Variants in PLCL2 observed in about 807,000 individuals in gnomAD.
PLCL2 encodes the protein phospholipase C like 2.
Under a neutral mutation model 79.6 loss-of-function variants are expected in PLCL2, and 4 were observed. That is an observed-to-expected ratio of 0.05 (90% CI 0.02 to 0.11). The LOEUF is 0.11. PLCL2 is among the 10% of genes least tolerant of loss of function. The probability of loss-of-function intolerance (pLI) is 1.00; values close to 1 mark genes in which losing one functional copy is unlikely to be tolerated. For missense variants in PLCL2, 895 were observed against 1,291.0 expected, an observed-to-expected ratio of 0.69 and a Z score of 4.70; for synonymous variants, 484 against 457.7, an observed-to-expected ratio of 1.06 and a Z score of -0.73.
At chr3:16,990,115 G>A (rs6765761) in intron 1 of PLCL2, among the ~76,000 whole-genome samples, 20,568 of 139,374 alleles carry the variant, frequency 0.15, 1,653 homozygotes, top group African/African-American at 0.25. Flanking sequence ...TGAGGATGAC[G>A]ATGACGATGA....
In PLCL2 at chr3:17,009,501, G is replaced by C. The variant is rs7612044; in HGVS notation, c.328-173G>C. On this transcript the variant is annotated intron_variant, in intron 1 of 5. Transcript: ENST00000615277. This position sits in a 1 kb window ranked among gnomAD's most constrained non-coding sequence, Gnocchi z 4.0. Reference sequence around the variant, plus strand: ...ACCTGTTGGTATTAGGCTGTCAACTGCAAGGCCAATTCTGAGCTTTAGAGA... The same window carrying C: ...ACCTGTTGGTATTAGGCTGTCAACTCCAAGGCCAATTCTGAGCTTTAGAGA... Among the ~76,000 whole-genome samples, 91,354 of 151,960 alleles carry C rather than the reference G, an allele frequency of 0.6. 28,081 individuals are homozygous for C. Among genetic ancestry groups the C allele is most frequent in the African/African-American group, 0.73 (30,184 of 41,442 alleles).
intron 1 of PLCL2, among the ~76,000 whole-genome samples, chr3:17,000,421 G>T (rs2064196981): frequency 7.2e-6 from 1 of 139,768 alleles, no homozygotes; most frequent in Non-Finnish European, 1.5e-5. Context: ...CATCAGTCAT[G>T]TCAAACATTT....
At chr3:17,064,903 TG>T (rs1682197113) in intron 4 of PLCL2, among the ~76,000 whole-genome samples, 1 of 135,148 alleles carries the variant, frequency 7.4e-6, no homozygotes, top group African/African-American at 2.9e-5. Context: ...CACCCTCACC[TG>T]GGCAGCAGAG....
chr3:16,891,431 C>G (rs997031897), intron 1 of PLCL2, among the ~76,000 whole-genome samples: 9 of 152,156 alleles, frequency 5.9e-5, no homozygotes, highest in Admixed American at 5.9e-4. Flanking sequence ...CATGGCCATG[C>G]TCGTTTTGAA....
chr3:16,999,516 C>T (rs2064185737), intron 1 of PLCL2, among the ~76,000 whole-genome samples: 1 of 152,110 alleles, frequency 6.6e-6, no homozygotes, highest in African/African-American at 2.4e-5. Flanking sequence ...AATATGAACT[C>T]ATCTTATCAT....
intron 1 of PLCL2, among the ~76,000 whole-genome samples, chr3:16,939,909 A>AT (rs1255077059): frequency 2.0e-5 from 3 of 152,194 alleles, no homozygotes; most frequent in Non-Finnish European, 4.4e-5. Context: ...GGGGGAACAG[A>AT]GGGAAGACCC....
intron 3 of PLCL2, among the ~76,000 whole-genome samples, chr3:17,030,625 A>G (rs931200294): frequency 1.4e-4 from 22 of 152,198 alleles, no homozygotes; most frequent in African/African-American, 4.8e-4. Flanking sequence ...GGTCAACATC[A>G]GGAAGAACGC....
At chr3:17,088,756 C>T (rs1006947288) in intron 5 of PLCL2, among the ~76,000 whole-genome samples, 4 of 152,178 alleles carry the variant, frequency 2.6e-5, no homozygotes, top group African/African-American at 9.7e-5. Context: ...CAGCTCCCCA[C>T]CTCCAAAGAA....
chr3:17,069,471 C>T (rs1365168729), intron 5 of PLCL2, among the ~76,000 whole-genome samples: 1 of 152,080 alleles, frequency 6.6e-6, no homozygotes, highest in East Asian at 1.9e-4. Context: ...GATCAGGGTA[C>T]TTGAACAGCC....
At chr3:16,888,672 T>C (rs1696278364) in intron 1 of PLCL2, among the ~76,000 whole-genome samples, 1 of 152,224 alleles carries the variant, frequency 6.6e-6, no homozygotes, top group African/African-American at 2.4e-5. Context: ...TTAATTTGGT[T>C]AATTGTTCAG....
intron 1 of PLCL2, chr3:16,933,233 C>T (rs55835744): frequency 1.4e-3 from 218 of 154,900 alleles, no homozygotes; most frequent in Non-Finnish European, 2.6e-3. Flanking sequence ...GCTCCATCAC[C>T]GGGCAGGGAA....
At chr3:17,020,564 A>G (rs961947642) in intron 3 of PLCL2, among the ~76,000 whole-genome samples, 5 of 151,492 alleles carry the variant, frequency 3.3e-5, no homozygotes, top group African/African-American at 4.8e-5. Flanking sequence ...TTTTTTTTGC[A>G]ACTTCACAAA....
At chr3:16,908,686 G>A (rs1006546796) in intron 1 of PLCL2, among the ~76,000 whole-genome samples, 8 of 152,156 alleles carry the variant, frequency 5.3e-5, no homozygotes, top group African/African-American at 1.7e-4. Flanking sequence ...CATGTTTGGT[G>A]GAGTGACAAA....
chr3:17,046,495 T>C (rs1461619077), intron 4 of PLCL2, among the ~76,000 whole-genome samples: 1 of 152,174 alleles, frequency 6.6e-6, no homozygotes, highest in African/African-American at 2.4e-5. Context: ...CTCAGTGAGC[T>C]AGGTGTTTCT....
intron 1 of PLCL2, among the ~76,000 whole-genome samples, chr3:16,891,093 G>A (rs962779700): frequency 1.3e-5 from 2 of 152,156 alleles, no homozygotes; most frequent in Non-Finnish European, 2.9e-5. Flanking sequence ...TCCTGTGGTC[G>A]AGGGCTGCCC....
At chr3:16,997,266 G>A (rs566001942) in intron 1 of PLCL2, among the ~76,000 whole-genome samples, 2 of 152,296 alleles carry the variant, frequency 1.3e-5, no homozygotes, top group Non-Finnish European at 2.9e-5. Flanking sequence ...TACTTGAGGA[G>A]ATAAGACTGA....
At chr3:17,023,266 A>G (rs916576832) in intron 3 of PLCL2, among the ~76,000 whole-genome samples, 8 of 152,178 alleles carry the variant, frequency 5.3e-5, no homozygotes, top group African/African-American at 1.7e-4. Context: ...CCCTTGGCTC[A>G]ACCTTTGTAT....
chr3:17,049,069 A>C (rs1420494843), intron 4 of PLCL2, among the ~76,000 whole-genome samples: 1 of 152,036 alleles, frequency 6.6e-6, no homozygotes, highest in Admixed American at 6.6e-5. Flanking sequence ...CCATACCAGC[A>C]GGTACGAAAA....
At chr3:16,892,046 A>T (rs932529690) in intron 1 of PLCL2, among the ~76,000 whole-genome samples, 7 of 152,222 alleles carry the variant, frequency 4.6e-5, no homozygotes, top group African/African-American at 1.7e-4. Context: ...TGTCTTGTGA[A>T]AAGTATTTGT....
Sources: allele counts gnomAD v4.1 joint callset (sites outside exome capture counted in the v4.1 genomes callset), GRCh38; gene constraint gnomAD v4.1.1; non-coding constraint Gnocchi (gnomAD v3.1); transcripts MANE v1.5; gene names NCBI Gene and HGNC (gene_info 2026-07-23, HGNC 2026-07-21).